The following GRIK1 variants were observed in gnomAD, a reference collection of about 807,000 sequenced individuals.
GRIK1 encodes the protein glutamate ionotropic receptor kainate type subunit 1.
Under a neutral mutation model 105.7 loss-of-function variants are expected in GRIK1, and 69 were observed. That is an observed-to-expected ratio of 0.65 (90% CI 0.54 to 0.80). The LOEUF (loss-of-function observed/expected upper bound fraction) is 0.80. GRIK1 is among the 30% of genes least tolerant of loss of function. The pLI is 0.00. For synonymous variants in GRIK1, 438 were observed against 431.3 expected (o/e 1.02, Z -0.19); for missense variants, 1,109 against 1,167.3 (o/e 0.95, Z 0.73).
intron 1 of GRIK1, among the ~76,000 whole-genome samples, chr21:29,740,683 T>TAAC (rs2064904655): frequency 6.6e-6 from 1 of 152,198 alleles, no homozygotes; most frequent in Admixed American, 6.5e-5. Context: ...AGAGTATCTT[T>TAAC]AACAATCTAT....
At chr21:29,888,150 C>CTTT (rs1447910398) in intron 1 of GRIK1, among the ~76,000 whole-genome samples, 281 of 126,304 alleles carry the variant, frequency 2.2e-3, no homozygotes, top group African/African-American at 7.6e-3. Context: ...TCCCTCCCTC[C>CTTT]CTCCTTTCTT....
intron 1 of GRIK1, among the ~76,000 whole-genome samples, chr21:29,821,855 G>T (rs940614932): frequency 7.2e-5 from 11 of 151,864 alleles, no homozygotes; most frequent in African/African-American, 2.7e-4. Flanking sequence ...TACATTTTAT[G>T]TACTCATGAC....
chr21:29,887,072 G>T (rs781304738), intron 1 of GRIK1, among the ~76,000 whole-genome samples: 7 of 152,048 alleles, frequency 4.6e-5, no homozygotes, highest in Non-Finnish European at 7.4e-5. Flanking sequence ...ATTGTATGGT[G>T]GTTTTATAAG....
At chr21:29,582,198 G>A in intron 12 of GRIK1, 1 of 342,974 alleles carries the variant, frequency 2.9e-6, no homozygotes, top group Non-Finnish European at 5.9e-6. Context: ...CATACATTTG[G>A]AATTATACTG....
chr21:29,680,563 T>G (rs941686161), intron 3 of GRIK1, among the ~76,000 whole-genome samples: 1 of 152,350 alleles, frequency 6.6e-6, no homozygotes, highest in South Asian at 2.1e-4. Flanking sequence ...TTGCTTTCCA[T>G]GGTTTTAGCG....
intron 1 of GRIK1, among the ~76,000 whole-genome samples, chr21:29,715,197 T>A (rs2064150696): frequency 6.6e-6 from 1 of 152,336 alleles, no homozygotes; most frequent in South Asian, 2.1e-4. Flanking sequence ...CTATGCACCA[T>A]AATTTGAGCT....
At chr21:29,585,917 C>A (rs2146272855) in intron 12 of GRIK1, among the ~76,000 whole-genome samples, 1 of 152,230 alleles carries the variant, frequency 6.6e-6, no homozygotes, top group African/African-American at 2.4e-5. Context: ...GTGAATAATT[C>A]TTTTGGGGGG....
At chr21:29,569,960 C>A (rs1308124125) in intron 14 of GRIK1, among the ~76,000 whole-genome samples, 1 of 152,062 alleles carries the variant, frequency 6.6e-6, no homozygotes, top group African/African-American at 2.4e-5. Flanking sequence ...CATGTAGCCC[C>A]TAGGAAAGCT....
intron 7 of GRIK1, among the ~76,000 whole-genome samples, chr21:29,624,228 A>C (rs942307935): frequency 6.6e-6 from 1 of 152,076 alleles, no homozygotes; most frequent in Non-Finnish European, 1.5e-5. Context: ...TCCCTTTCTT[A>C]TTCTGAAGAA....
chr21:29,685,592 CT>C (rs2146696275), intron 3 of GRIK1, among the ~76,000 whole-genome samples: 1 of 152,190 alleles, frequency 6.6e-6, no homozygotes, highest in South Asian at 2.1e-4. Flanking sequence ...ATATTCAATG[CT>C]TTTGTTGTCT....
chr21:29,694,510 G>C (rs2063656148), intron 1 of GRIK1, among the ~76,000 whole-genome samples: 1 of 152,168 alleles, frequency 6.6e-6, no homozygotes, highest in South Asian at 2.1e-4. Flanking sequence ...CGGGCTAAAA[G>C]TGAAGTTTAT....
intron 1 of GRIK1, among the ~76,000 whole-genome samples, chr21:29,932,534 C>T (rs750189945): frequency 5.3e-5 from 8 of 151,760 alleles, no homozygotes; most frequent in African/African-American, 1.7e-4. Flanking sequence ...AAAAATTTTC[C>T]TCTCCAAGAT....
Position 29,800,901 on chromosome 21 carries a change from A to G in GRIK1, c.119-106838T>C, listed in dbSNP as rs141019357. Among the ~76,000 whole-genome samples the G allele has an allele frequency of 2.6e-5, 4 of 152,290 alleles. No individual in the cohort carries two copies. The East Asian group carries it at 7.7e-4, about 30-fold the overall frequency. On this transcript the variant is annotated intron_variant, in intron 1 of 17. Coordinates refer to ENST00000327783, the MANE Select transcript of GRIK1 (RefSeq NM_001330994.2). ...GCCTGAGGACAGGGTGAGGCAGCTG[A>G]TGGGAGAGGGCAAAGGGCGGTAATT... is the stretch of plus-strand genomic sequence containing the variant.
At chr21:29,854,194 G>C (rs758055237) in intron 1 of GRIK1, among the ~76,000 whole-genome samples, 17 of 152,134 alleles carry the variant, frequency 1.1e-4, no homozygotes, top group Non-Finnish European at 1.9e-4. Context: ...TGGCAAGAGA[G>C]GAGGAAAGAG....
At chr21:29,602,582 C>A (rs916021158) in intron 7 of GRIK1, among the ~76,000 whole-genome samples, 1 of 151,910 alleles carries the variant, frequency 6.6e-6, no homozygotes, top group Admixed American at 6.6e-5. Context: ...GGGAAAGAGT[C>A]AGCAAAAGAT....
chr21:29,929,128 T>C (rs569013044), intron 1 of GRIK1, among the ~76,000 whole-genome samples: 2 of 152,294 alleles, frequency 1.3e-5, no homozygotes, highest in African/African-American at 4.8e-5. Flanking sequence ...ATTACAGATA[T>C]GGAGATCAGC....
intron 14 of GRIK1, among the ~76,000 whole-genome samples, chr21:29,564,428 T>C (rs2090564434): frequency 2.0e-5 from 3 of 152,162 alleles, no homozygotes; most frequent in Admixed American, 2.0e-4. Flanking sequence ...ATTACAGGCG[T>C]GAGCCACCGC....
rs904186015 is a variant in GRIK1 at position 29,712,089 on chromosome 21, C to T, written c.119-18026G>A. Among the ~76,000 whole-genome samples, 484 of 137,186 alleles carry T rather than the reference C, an allele frequency of 3.5e-3. 2 individuals are homozygous for T. The highest frequency in any genetic ancestry group is 0.011 in the African/African-American group (402 of 36,182). 90.0% of individuals were successfully genotyped at this position (137,186 alleles called of 152,430 possible). ...AAGTATATGTATACATACATACACA[C>T]ACACACACACACACACACACACACA... is the stretch of plus-strand genomic sequence containing the variant. On this transcript the variant is annotated intron_variant, in intron 1 of 17. Coordinates refer to ENST00000327783, the MANE Select transcript of GRIK1 (RefSeq NM_001330994.2).
At chr21:29,601,150 G>C in intron 7 of GRIK1, 4 of 461,652 alleles carry the variant, frequency 8.7e-6, no homozygotes, top group South Asian at 6.0e-5. Flanking sequence ...CACGTGAGTG[G>C]GTACCATTCA....
Sources: gnomAD v4.1 joint callset for allele counts (sites outside exome capture counted in the v4.1 genomes callset) on GRCh38, gnomAD v4.1.1 for gene constraint, MANE v1.5 for transcripts, NCBI Gene and HGNC (gene_info 2026-07-23, HGNC 2026-07-21) for gene names.